Variants in THSD4 observed in about 807,000 individuals in gnomAD.
The protein encoded by THSD4 is thrombospondin type-1 domain-containing protein 4.
THSD4 carries 69 observed loss-of-function variants against 119.0 expected under a neutral mutation model. The ratio of observed to expected loss-of-function variants is 0.58; its 90% CI spans 0.48 to 0.71. THSD4 has a LOEUF of 0.71. THSD4 is among the 30% of genes least tolerant of loss of function. The pLI is 0.00. For missense variants in THSD4, 1,393 were observed against 1,391.1 expected (o/e 1.00, Z -0.02); for synonymous variants, 524 against 540.4 (o/e 0.97, Z 0.42).
At chr15:71,104,504 T>G (rs1442559812) in intron 1 of THSD4, among the ~76,000 whole-genome samples, 1 of 152,166 alleles carries the variant, frequency 6.6e-6, no homozygotes, top group Non-Finnish European at 1.5e-5. Flanking sequence ...GCCCTGTTAA[T>G]GGAAAAACCA....
intron 2 of THSD4, chr15:71,147,859 A>C (rs2040678535): frequency 6.7e-6 from 1 of 148,322 alleles, no homozygotes; most frequent in East Asian, 2.1e-4. Flanking sequence ...GGTCCCAGCT[A>C]TTCAGGAGGC....
chr15:71,512,735 C>CT (rs944610583), intron 7 of THSD4, among the ~76,000 whole-genome samples: 32 of 148,192 alleles, frequency 2.2e-4, no homozygotes, highest in African/African-American at 7.5e-4. Context: ...AATTCTTTTC[C>CT]TTTTTTTTCT....
intron 15 of THSD4, among the ~76,000 whole-genome samples, chr15:71,763,911 C>G (rs753893856): frequency 6.6e-5 from 10 of 151,886 alleles, no homozygotes; most frequent in Non-Finnish European, 1.2e-4. Context: ...CAAAAAAATA[C>G]AAAAATTAGC....
intron 7 of THSD4, among the ~76,000 whole-genome samples, chr15:71,564,207 A>T (rs996381956): frequency 1.3e-5 from 2 of 152,184 alleles, no homozygotes. Flanking sequence ...TATGTTGGGC[A>T]TTATACCAGA....
chr15:71,247,068 T>G (rs2044209986), intron 5 of THSD4, among the ~76,000 whole-genome samples: 1 of 151,984 alleles, frequency 6.6e-6, no homozygotes, highest in South Asian at 2.1e-4. Context: ...TGGCTAATTT[T>G]TGTATTTTTA....
chr15:71,214,269 G>A (rs2043911596), intron 3 of THSD4, among the ~76,000 whole-genome samples: 2 of 151,970 alleles, frequency 1.3e-5, no homozygotes, highest in Non-Finnish European at 2.9e-5. Context: ...AGTCCCTCCA[G>A]TCCCTCCCAG....
rs2054010361 is a variant in THSD4 at position 71,782,260 on chromosome 15, GT to G, written c.*4887del. 1 of 151,902 alleles carries G rather than the reference GT, an allele frequency of 6.6e-6. No homozygotes were observed. The highest frequency in any genetic ancestry group is 1.5e-5 in the Non-Finnish European group (1 of 67,962). The allele number at this position is 151,902 out of a possible 1,614,324, so 9.4% of individuals were successfully genotyped here. A position where few individuals can be genotyped will look rare whatever the true frequency, so the allele number is the denominator to read the frequency against. ...CAGCAGATAATGATGGAGGGGGGGG[GT>G]GTCCATCGTGCTGAGGGTGTGACCG... On this transcript the variant is annotated 3_prime_UTR_variant, in exon 18 of 18. Transcript: ENST00000261862.
chr15:71,494,508 T>C lies in THSD4; in HGVS notation c.1152+82685T>C, dbSNP rs2047979099. Among the ~76,000 whole-genome samples the C allele has an allele frequency of 2.6e-5, 4 of 152,218 alleles. No individual in the cohort carries two copies. In the South Asian group the frequency reaches 6.2e-4, roughly 24 times the overall value. On this transcript the variant is annotated intron_variant, in intron 7 of 17. Transcript: ENST00000261862. ...TCAAGCAACTGAAGTCTGTATTATA[T>C]ACAATGTTTCCTATTTACTTTTCCA...
intron 6 of THSD4, among the ~76,000 whole-genome samples, chr15:71,309,022 T>C (rs372103352): frequency 6.6e-6 from 1 of 152,214 alleles, no homozygotes; most frequent in East Asian, 1.9e-4. Context: ...CTATCTCGGC[T>C]CACTGCAACT....
chr15:71,190,469 G>A (rs941089969), intron 3 of THSD4, among the ~76,000 whole-genome samples: 1 of 152,186 alleles, frequency 6.6e-6, no homozygotes, highest in African/African-American at 2.4e-5. Context: ...GTGATTCTAA[G>A]GTACGGTTAG....
At chr15:71,101,658 T>C (rs2040253979) in intron 1 of THSD4, among the ~76,000 whole-genome samples, 1 of 152,170 alleles carries the variant, frequency 6.6e-6, no homozygotes, top group African/African-American at 2.4e-5. Flanking sequence ...TTCATTGTCA[T>C]TCATGAACGA....
At chr15:71,138,367 C>T (rs1258486943) in intron 1 of THSD4, among the ~76,000 whole-genome samples, 4 of 152,140 alleles carry the variant, frequency 2.6e-5, no homozygotes, top group African/African-American at 7.2e-5. Context: ...TCCCTTGACA[C>T]GTGGGGATTA....
rs147212127 is a variant in THSD4 at position 71,653,695 on chromosome 15, G to C, written c.1153-6835G>C. Among the ~76,000 whole-genome samples, 518 of 152,296 alleles carry C rather than the reference G, an allele frequency of 3.4e-3. 4 individuals are homozygous for C. The highest frequency in any genetic ancestry group is 0.012 in the African/African-American group (491 of 41,554). Reference sequence around the variant, plus strand: ...ACAGTCCTTCAACCAAAGCAGTTCTGCTCTTCTCATTTTGCATAGTGGAGC... The same window carrying C: ...ACAGTCCTTCAACCAAAGCAGTTCTCCTCTTCTCATTTTGCATAGTGGAGC... On this transcript the variant is annotated intron_variant, in intron 7 of 17. Coordinates refer to ENST00000261862, the MANE Select transcript of THSD4 (RefSeq NM_024817.3).
At chr15:71,755,217 T>C (rs2053517566) in intron 14 of THSD4, among the ~76,000 whole-genome samples, 1 of 152,228 alleles carries the variant, frequency 6.6e-6, no homozygotes, top group South Asian at 2.1e-4. Flanking sequence ...TGGCATGTTC[T>C]GATCCCCTTC....
intron 7 of THSD4, among the ~76,000 whole-genome samples, chr15:71,580,910 TTATATA>T (rs948487518): frequency 6.6e-6 from 1 of 152,068 alleles, no homozygotes; most frequent in East Asian, 1.9e-4. Context: ...TATGTGTGTG[TTATATA>T]TATACACACA....
intron 5 of THSD4, among the ~76,000 whole-genome samples, chr15:71,244,758 A>T (rs1567167716): frequency 6.6e-6 from 1 of 152,246 alleles, no homozygotes; most frequent in African/African-American, 2.4e-5. Context: ...GTTTGGTTTC[A>T]TGGTCAGACA....
At chr15:71,208,346 C>G (rs1268093283) in intron 3 of THSD4, among the ~76,000 whole-genome samples, 2 of 152,160 alleles carry the variant, frequency 1.3e-5, no homozygotes, top group Non-Finnish European at 2.9e-5. Flanking sequence ...TCAGTTAGGG[C>G]ATCCAGCTCC....
At chr15:71,714,664 T>C (rs1287388510) in intron 8 of THSD4, among the ~76,000 whole-genome samples, 1 of 152,054 alleles carries the variant, frequency 6.6e-6, no homozygotes, top group Non-Finnish European at 1.5e-5. Context: ...CTGACCAACA[T>C]GGTGAAACCC....
At chr15:71,534,915 G>T (rs2048668372) in intron 7 of THSD4, among the ~76,000 whole-genome samples, 1 of 148,744 alleles carries the variant, frequency 6.7e-6, no homozygotes, top group Non-Finnish European at 1.5e-5. Flanking sequence ...AGCCAAGATT[G>T]TTCCCTGAAC....
Sources: gnomAD v4.1 joint callset for allele counts (sites outside exome capture counted in the v4.1 genomes callset) on GRCh38, gnomAD v4.1.1 for gene constraint, MANE v1.5 for transcripts, NCBI Gene and HGNC (gene_info 2026-07-23, HGNC 2026-07-21) for gene names.